The following CLASP1 variants were observed in gnomAD, a reference collection of about 807,000 sequenced individuals.
The protein encoded by CLASP1 is CLIP-associating protein 1.
A neutral mutation model predicts 192.3 loss-of-function variants in CLASP1; 38 were observed. That is an observed-to-expected ratio of 0.20 (90% CI 0.15 to 0.26). The LOEUF (loss-of-function observed/expected upper bound fraction) is 0.26. CLASP1 is among the 10% of genes least tolerant of loss of function. The pLI is 1.00. For missense variants in CLASP1, 1,433 were observed against 1,932.5 expected (o/e 0.74, Z 4.85); for synonymous variants, 691 against 712.8 (o/e 0.97, Z 0.49).
chr2:121,630,875 A>AG (rs70954564), intron 1 of CLASP1, among the ~76,000 whole-genome samples: 6 of 149,974 alleles, frequency 4.0e-5, no homozygotes, highest in African/African-American at 1.5e-4. Flanking sequence ...AAAAAAAAAA[A>AG]GAGGCCGGGC....
chr2:121,407,261 TCAAAGCAAATGGATGG>T (rs1419984624), intron 25 of CLASP1, among the ~76,000 whole-genome samples, 194 bp downstream of exon 26: 11 of 152,136 alleles, frequency 7.2e-5, no homozygotes, highest in East Asian at 3.9e-4. Context: ...GCCAGATATT[TCAAAGCAAATGGATGG>T]CAAAGCAAAT....
intron 1 of CLASP1, among the ~76,000 whole-genome samples, chr2:121,640,993 G>T (rs1041653276): frequency 6.6e-6 from 1 of 152,130 alleles, no homozygotes; most frequent in African/African-American, 2.4e-5. Context: ...GCCTGGGCTG[G>T]GAGAACACTA....
intron 2 of CLASP1, chr2:121,530,615 C>G (rs141556097): frequency 1.9e-6 from 1 of 530,984 alleles, no homozygotes; most frequent in Non-Finnish European, 3.4e-6. Context: ...GCGCCGCGGT[C>G]CCGCCCCCGC....
At chr2:121,589,179 G>A (rs72972711) in intron 2 of CLASP1, among the ~76,000 whole-genome samples, 5,878 of 152,260 alleles carry the variant, frequency 0.039, 161 homozygotes, top group East Asian at 0.14. Flanking sequence ...GGCCAGTGAC[G>A]TGCCCATCCA....
At chr2:121,531,163 G>A (rs1022667392) in intron 2 of CLASP1, among the ~76,000 whole-genome samples, 2 of 152,062 alleles carry the variant, frequency 1.3e-5, no homozygotes, top group Non-Finnish European at 2.9e-5. Flanking sequence ...AAACGGGAAG[G>A]ATTTCAACAG....
intron 14 of CLASP1, among the ~76,000 whole-genome samples, chr2:121,452,911 T>C (rs2085802675): frequency 6.6e-6 from 1 of 152,254 alleles, no homozygotes; most frequent in Admixed American, 6.5e-5. Flanking sequence ...AAATCAGAAG[T>C]AAAATCTTTC....
intron 1 of CLASP1, among the ~76,000 whole-genome samples, chr2:121,639,084 G>C (rs2071508473): frequency 6.6e-6 from 1 of 152,098 alleles, no homozygotes; most frequent in African/African-American, 2.4e-5. Flanking sequence ...AGACCATCCT[G>C]GTTAACACAG....
intron 8 of CLASP1, among the ~76,000 whole-genome samples, chr2:121,470,489 T>C (rs1271095856): frequency 2.0e-5 from 3 of 152,114 alleles, no homozygotes; most frequent in African/African-American, 7.2e-5. Flanking sequence ...ATGTAAATTT[T>C]TCCTCTGTGA....
chr2:121,585,823 G>A (rs1412690521), intron 2 of CLASP1, among the ~76,000 whole-genome samples: 5 of 151,574 alleles, frequency 3.3e-5, no homozygotes, highest in African/African-American at 1.2e-4. Context: ...CTTGAACCCA[G>A]GAGGCAGAGG....
chr2:121,403,779 T>C (rs1248875612), intron 26 of CLASP1: 1 of 468,332 alleles, frequency 2.1e-6, no homozygotes, highest in Non-Finnish European at 4.3e-6. Flanking sequence ...GCTGGGACTC[T>C]CTCATCAAAA....
chr2:121,403,655 A>G (rs2076464290), intron 26 of CLASP1: 1 of 442,952 alleles, frequency 2.3e-6, no homozygotes, highest in African/African-American at 2.0e-5. Flanking sequence ...CTCCCTAACA[A>G]TAGTATTTAA....
chr2:121,369,008 A>T (rs2068032236), intron 34 of CLASP1, among the ~76,000 whole-genome samples: 1 of 152,094 alleles, frequency 6.6e-6, no homozygotes, highest in African/African-American at 2.4e-5. Flanking sequence ...GGTAACCTTT[A>T]TCTTACTTTG....
chr2:121,648,204 G>A (rs111722706), intron 1 of CLASP1, among the ~76,000 whole-genome samples: 1 of 152,154 alleles, frequency 6.6e-6, no homozygotes, highest in African/African-American at 2.4e-5. Flanking sequence ...AATAATCGTA[G>A]TAATAAAAAC....
intron 14 of CLASP1, among the ~76,000 whole-genome samples, chr2:121,452,812 CAAAT>C (rs1276967933): frequency 2.6e-5 from 4 of 152,144 alleles, no homozygotes; most frequent in South Asian, 2.1e-4. Flanking sequence ...AACAAACAAA[CAAAT>C]AAAAATTTCT....
In CLASP1 at chr2:121,388,375, A is replaced by G. The variant is rs1015666653; in HGVS notation, c.3124-469T>C. Among the ~76,000 whole-genome samples the G allele has an allele frequency of 4.6e-5, 7 of 152,220 alleles. No individual in the cohort carries two copies. In the East Asian group the frequency reaches 1.3e-3, roughly 29 times the overall value. ...TCCTCTTGACTAAGAAACATGAGAA[A>G]ACGAGTATAAATACCTCAGAAAAAC... On this transcript the variant is annotated intron_variant, in intron 30 of 39. Transcript: ENST00000263710.
intron 17 of CLASP1, among the ~76,000 whole-genome samples, 160 bp from the exon 18 acceptor site, chr2:121,448,485 C>A (rs959874052): frequency 1.3e-5 from 2 of 152,208 alleles, no homozygotes. Flanking sequence ...TGATTCCCAA[C>A]GAAGCTTTAG....
chr2:121,582,434 AGG>A (rs946669675), intron 2 of CLASP1, among the ~76,000 whole-genome samples: 1 of 150,226 alleles, frequency 6.7e-6, no homozygotes, highest in African/African-American at 2.5e-5. Context: ...GAGAAAAAGA[AGG>A]GGGGAAGGAG....
chr2:121,404,580 C>T (rs1022790920), intron 25 of CLASP1, 146 bp from the exon 27 acceptor site: 2 of 733,936 alleles, frequency 2.7e-6, no homozygotes, highest in African/African-American at 1.8e-5. Flanking sequence ...GATCCTCCCA[C>T]CTCAGCCTCC....
intron 9 of CLASP1, among the ~76,000 whole-genome samples, chr2:121,465,112 G>C (rs2149916264): frequency 6.6e-6 from 1 of 152,310 alleles, no homozygotes; most frequent in African/African-American, 2.4e-5. Context: ...ACTGGCACAA[G>C]ACAGGGATGC....
Sources: allele counts gnomAD v4.1 joint callset (sites outside exome capture counted in the v4.1 genomes callset), GRCh38; gene constraint gnomAD v4.1.1; transcripts MANE v1.5; gene names NCBI Gene and HGNC (gene_info 2026-07-23, HGNC 2026-07-21).